Variants in ADAMTS12 observed in about 807,000 individuals in gnomAD.
ADAMTS12 encodes ADAM metallopeptidase with thrombospondin type 1 motif 12, also known as A disintegrin and metalloproteinase with thrombospondin motifs 12.
ADAMTS12 carries 118 observed loss-of-function variants against 167.8 expected under a neutral mutation model. The observed-to-expected ratio is 0.70, with a 90% CI of 0.61 to 0.82. The LOEUF (loss-of-function observed/expected upper bound fraction) is 0.82. Ranked by LOEUF, ADAMTS12 falls within the 40% of genes least tolerant of loss-of-function variation. The pLI, the probability that ADAMTS12 is intolerant of heterozygous loss-of-function variation, is 0.00. For synonymous variants in ADAMTS12, 704 were observed against 716.9 expected, an observed-to-expected ratio of 0.98 and a Z score of 0.29; for missense variants, 1,916 against 1,998.8, an observed-to-expected ratio of 0.96 and a Z score of 0.79.
chr5:33,570,391 G>A (rs1315720795), intron 19 of ADAMTS12, among the ~76,000 whole-genome samples: 1 of 152,176 alleles, frequency 6.6e-6, no homozygotes, highest in Non-Finnish European at 1.5e-5. Flanking sequence ...GACTAACAGT[G>A]GATCTCTCGG....
At chr5:33,628,145 G>A (rs1417219670) in intron 13 of ADAMTS12, among the ~76,000 whole-genome samples, 1 of 152,122 alleles carries the variant, frequency 6.6e-6, no homozygotes, top group African/African-American at 2.4e-5. Flanking sequence ...AGGAAATTCA[G>A]CCAACGTTAT....
At chr5:33,889,570 T>G (rs1398718319) in intron 1 of ADAMTS12, among the ~76,000 whole-genome samples, 1 of 152,214 alleles carries the variant, frequency 6.6e-6, no homozygotes, top group Non-Finnish European at 1.5e-5. Flanking sequence ...TAAATGTAAG[T>G]CTGCTTAGAA....
chr5:33,530,020 A>T (rs964426016), intron 23 of ADAMTS12, among the ~76,000 whole-genome samples: 2 of 152,100 alleles, frequency 1.3e-5, no homozygotes, highest in African/African-American at 4.8e-5. Flanking sequence ...CCCGGGTTCA[A>T]GCAATTCTCC....
chr5:33,603,059 A>C (rs1299364551), intron 16 of ADAMTS12, among the ~76,000 whole-genome samples: 2 of 152,172 alleles, frequency 1.3e-5, no homozygotes, highest in Non-Finnish European at 2.9e-5. Context: ...TGTGTAGGCC[A>C]CTGTTGTACC....
At chr5:33,622,422 G>A (rs1739381960) in intron 14 of ADAMTS12, among the ~76,000 whole-genome samples, 1 of 152,202 alleles carries the variant, frequency 6.6e-6, no homozygotes. Context: ...TTGGGAAGCT[G>A]AGGTGGGTGG....
chr5:33,662,192 C>T (rs543495997), intron 5 of ADAMTS12, 152 bp from the exon 6 acceptor site: 58 of 877,894 alleles, frequency 6.6e-5, no homozygotes, highest in South Asian at 3.0e-4. Context: ...GGCCAACTGA[C>T]TCCTCTTGAC....
chr5:33,624,254 A>ATC lies in ADAMTS12; in HGVS notation c.2118_2119dup (p.Met707ArgfsTer24). On this transcript the variant is annotated frameshift_variant, in exon 14 of 24. Coordinates refer to ENST00000504830, the MANE Select transcript of ADAMTS12 (RefSeq NM_030955.4). LOFTEE classifies it high-confidence loss of function. ...ACCAGATCCTTCCTTCTGCTTAAAC[A>ATC]TCTTTCTCACAGTCTGGCAGGAAGA... The ATC allele has an allele frequency of 1.2e-6, 2 of 1,614,060 alleles. No individual in the cohort carries two copies. Among genetic ancestry groups the ATC allele is most frequent in the Non-Finnish European group, 8.5e-7 (1 of 1,179,962 alleles).
intron 3 of ADAMTS12, among the ~76,000 whole-genome samples, chr5:33,727,760 TC>T (rs914148106): frequency 4.6e-5 from 7 of 152,344 alleles, no homozygotes; most frequent in African/African-American, 1.4e-4. Flanking sequence ...AGCCTAAAAG[TC>T]CTACAGACCA....
intron 2 of ADAMTS12, among the ~76,000 whole-genome samples, chr5:33,855,816 CCA>C (rs1240672506): frequency 7.2e-5 from 11 of 152,114 alleles, no homozygotes; most frequent in African/African-American, 2.7e-4. Flanking sequence ...CTTGCATCAA[CCA>C]CAGTCTCAAG....
chr5:33,779,864 A>G (rs1174199395), intron 2 of ADAMTS12, among the ~76,000 whole-genome samples: 1 of 152,206 alleles, frequency 6.6e-6, no homozygotes, highest in Non-Finnish European at 1.5e-5. Context: ...GTTTCAGTTA[A>G]GCAAGAAGGA....
chr5:33,671,223 C>G (rs549242052), intron 5 of ADAMTS12, among the ~76,000 whole-genome samples: 1 of 152,254 alleles, frequency 6.6e-6, no homozygotes, highest in East Asian at 1.9e-4. Flanking sequence ...TGTGAGGGAA[C>G]TGTTCTAATG....
chr5:33,764,791 T>C (rs1460346638), intron 2 of ADAMTS12, among the ~76,000 whole-genome samples: 1 of 151,242 alleles, frequency 6.6e-6, no homozygotes, highest in Non-Finnish European at 1.5e-5. Context: ...CTAAGTGCTT[T>C]CTAAAATTTG....
chr5:33,825,908 T>C lies in ADAMTS12; in HGVS notation c.489+55211A>G, dbSNP rs1361184750. ...TAACCAGAAGAGAGTATCTCCAAAC[T>C]AGAATCAAGTTTGGTCTAGATGCTG... On this transcript the variant is annotated intron_variant, in intron 2 of 23. Coordinates refer to ENST00000504830, the MANE Select transcript of ADAMTS12 (RefSeq NM_030955.4). Among the ~76,000 whole-genome samples the C allele has an allele frequency of 3.9e-5, 6 of 152,276 alleles. No individual in the cohort carries two copies. The East Asian group carries it at 7.7e-4, about 20-fold the overall frequency.
rs764759222 is a variant in ADAMTS12, at chr5:33,891,760, C to G, written c.97G>C (p.Gly33Arg). 1 of 1,614,200 alleles carries G rather than the reference C, an allele frequency of 6.2e-7. No individual in the cohort carries two copies. The highest frequency in any genetic ancestry group is 1.1e-5 in the South Asian group (1 of 91,074). ...ALCYGRQPQP[G>R]PVRFPDRRQE... ...CTCCTGTCCGGGAAGCGAACCGGGC[C>G]TGGCTGAGGCTGTCTCCCATAGCAA... Residue 33 changes from glycine (G) to arginine (R), a missense_variant, in exon 1 of 24, where the codon GGC becomes CGC. Gly to Arg is a moderately radical substitution (Grantham distance 125, BLOSUM62 -2). Coordinates refer to ENST00000504830, the MANE Select transcript of ADAMTS12 (RefSeq NM_030955.4).
rs568006854 is a variant in ADAMTS12, at chr5:33,706,686, C to T, written c.635-22631G>A. Reference sequence around the variant, plus strand: ...TAATATTGTTATGTGTGAATTTGATCGTGTCATTATGATGCTAGCTGGTTT... The same window carrying T: ...TAATATTGTTATGTGTGAATTTGATTGTGTCATTATGATGCTAGCTGGTTT... On this transcript the variant is annotated intron_variant, in intron 3 of 23. Transcript: ENST00000504830. Among the ~76,000 whole-genome samples, 5 of 152,114 alleles carry T rather than the reference C, an allele frequency of 3.3e-5. No individual in the cohort carries two copies. The East Asian group carries it at 5.8e-4, about 18-fold the overall frequency.
At chr5:33,635,669 G>A (rs896874105) in intron 12 of ADAMTS12, among the ~76,000 whole-genome samples, 6 of 152,168 alleles carry the variant, frequency 3.9e-5, no homozygotes, top group African/African-American at 1.2e-4. Context: ...AAGGATGCCT[G>A]GGAGGCTGTA....
intron 2 of ADAMTS12, among the ~76,000 whole-genome samples, chr5:33,791,507 A>G (rs1299959403): frequency 6.6e-6 from 1 of 152,274 alleles, no homozygotes; most frequent in Admixed American, 6.5e-5. Context: ...AAATAAAAAA[A>G]GAACTAGGAA....
intron 4 of ADAMTS12, 39 bp downstream of exon 4, chr5:33,683,820 G>C: frequency 7.2e-7 from 1 of 1,386,232 alleles, no homozygotes; most frequent in South Asian, 2.0e-5. Flanking sequence ...AATGACATCT[G>C]TTCACTAGCT....
At chr5:33,885,241 T>C (rs1320857186) in intron 1 of ADAMTS12, among the ~76,000 whole-genome samples, 1 of 152,204 alleles carries the variant, frequency 6.6e-6, no homozygotes, top group Non-Finnish European at 1.5e-5. Context: ...GGGCAATAAA[T>C]GTATAATTGC....
Sources: allele counts gnomAD v4.1 joint callset (sites outside exome capture counted in the v4.1 genomes callset), GRCh38; gene constraint gnomAD v4.1.1; transcripts MANE v1.5; gene names NCBI Gene and HGNC (gene_info 2026-07-23, HGNC 2026-07-21).